Variants in AIDA observed in about 807,000 individuals in gnomAD.
AIDA encodes the protein axin interactor, dorsalization associated.
AIDA carries 18 observed loss-of-function variants against 42.7 expected under a neutral mutation model. The observed-to-expected ratio is 0.42, with a 90% CI of 0.29 to 0.63. The LOEUF is 0.63. Among genes scored for constraint, AIDA ranks in the 20% least tolerant of loss-of-function variants. The probability of loss-of-function intolerance (pLI) is 0.19; values close to 1 mark genes in which losing one functional copy is unlikely to be tolerated. For missense variants in AIDA, 250 were observed against 354.1 expected (o/e 0.71, Z 2.36); for synonymous variants, 104 against 122.9 (o/e 0.85, Z 1.02).
At chr1:222,700,931 G>A (rs1252025451) in intron 2 of AIDA, among the ~76,000 whole-genome samples, 6 of 139,690 alleles carry the variant, frequency 4.3e-5, no homozygotes, top group African/African-American at 1.6e-4. Flanking sequence ...TTTCTCATCA[G>A]TCTAATCATT....
chr1:222,689,502 T>TACACAC (rs1299244082), intron 4 of AIDA, among the ~76,000 whole-genome samples: 1 of 70,580 alleles, frequency 1.4e-5, no homozygotes, highest in Non-Finnish European at 3.1e-5. Context: ...TATATATATA[T>TACACAC]ATATATATAT....
intron 2 of AIDA, 86 bp downstream of exon 2, chr1:222,703,062 G>T: frequency 4.7e-6 from 5 of 1,073,696 alleles, no homozygotes; most frequent in Non-Finnish European, 5.3e-6. Flanking sequence ...TTTTTGTTTT[G>T]TTGTTTTTTG....
chr1:222,689,567 A>ATT (rs1320163064), intron 4 of AIDA, among the ~76,000 whole-genome samples: 2 of 67,480 alleles, frequency 3.0e-5, no homozygotes, highest in Non-Finnish European at 8.3e-5. Context: ...ATGTATATAT[A>ATT]TGTATATATA....
intron 4 of AIDA, among the ~76,000 whole-genome samples, chr1:222,690,440 A>G (rs1416200626): frequency 6.6e-6 from 1 of 152,174 alleles, no homozygotes; most frequent in Non-Finnish European, 1.5e-5. Context: ...GGTGCCCAGT[A>G]ACTACTCGTG....
At chr1:222,676,001 G>C in intron 7 of AIDA, 95 bp downstream of exon 7, 1 of 1,378,496 alleles carries the variant, frequency 7.3e-7, no homozygotes. Flanking sequence ...ACATACATAA[G>C]ACTCCCCGCC....
chr1:222,690,051 T>C lies in AIDA; in HGVS notation c.290-2393A>G, dbSNP rs114003566. On this transcript the variant is annotated intron_variant, in intron 4 of 9. Coordinates refer to ENST00000340020, the MANE Select transcript of AIDA (RefSeq NM_022831.4). ...CTACAGTATTCAGTACAGTAACAGG[T>C]TGTAGAGGTTTGTAGCCTAGGAGCA... Among the ~76,000 whole-genome samples the C allele has an allele frequency of 1.4e-3, 212 of 152,294 alleles. 2 individuals carry two copies. Among genetic ancestry groups the C allele is most frequent in the African/African-American group, 5.0e-3 (207 of 41,552 alleles).
chr1:222,670,067 G>A (rs1664417689), intron 9 of AIDA, 66 bp downstream of exon 9: 5 of 1,606,372 alleles, frequency 3.1e-6, no homozygotes, highest in African/African-American at 1.3e-5. Context: ...TGGATATGGG[G>A]GATTCAGAAG....
rs545017926 is a variant in AIDA, at chr1:222,687,493, A to G, written c.353+102T>C. ...TATACTGTTATCATTGTTGATGTCAATGATATCAATAATACCAAAGTTGAT... is the reference window on the plus strand; with the variant it reads ...TATACTGTTATCATTGTTGATGTCAGTGATATCAATAATACCAAAGTTGAT... On this transcript the variant is annotated intron_variant, in intron 5 of 9. Transcript: ENST00000340020. The G allele has an allele frequency of 2.9e-5, 29 of 987,322 alleles. No homozygotes were observed. The African/African-American group carries it at 4.6e-4, about 16-fold the overall frequency. 61.2% of individuals were successfully genotyped at this position (987,322 alleles called of 1,614,324 possible).
intron 6 of AIDA, among the ~76,000 whole-genome samples, chr1:222,681,856 C>G (rs563708287): frequency 8.7e-4 from 132 of 152,158 alleles, no homozygotes; most frequent in Non-Finnish European, 1.5e-3. Context: ...ATCAGTACCA[C>G]TCTCCCTCCT....
In AIDA at chr1:222,676,091, C is replaced by T; in HGVS notation, c.583+5G>A. ...GAGAAAAAAAAAGTAAACAGAGTCA[C>T]TTACCCTTTACACTAACTGTAATAT... is the stretch of plus-strand genomic sequence containing the variant. On this transcript the variant is annotated splice_donor_5th_base_variant and intron_variant, in intron 7 of 9. Transcript: ENST00000340020. The T allele has an allele frequency of 6.4e-7, 1 of 1,560,224 alleles. No individual in the cohort carries two copies. The highest frequency in any genetic ancestry group is 8.6e-7 in the Non-Finnish European group (1 of 1,158,406).
At chr1:222,687,795 G>T in intron 4 of AIDA, 137 bp from the exon 5 acceptor site, 6 of 622,430 alleles carry the variant, frequency 9.6e-6, no homozygotes, top group South Asian at 5.5e-5. Flanking sequence ...CCATTTGAGA[G>T]CTACACAGTA....
intron 4 of AIDA, among the ~76,000 whole-genome samples, chr1:222,691,929 T>C (rs1418346112): frequency 6.6e-6 from 1 of 152,202 alleles, no homozygotes; most frequent in Admixed American, 6.5e-5. Context: ...GGTATCAATG[T>C]TTTGAAAAGG....
Position 222,712,310 on chromosome 1 carries a change from T to C in AIDA, c.8A>G (p.Glu3Gly). The change falls in exon 1 of 10, where the codon GAG (glutamate) becomes GGG (glycine). Residue 3 changes from glutamate to glycine, a missense_variant. Physicochemically the swap from Glu to Gly is moderately conservative, Grantham distance 98. This residue lies in a region of AIDA where 14 missense variants were observed against 20.1 expected (regional missense o/e 0.70). Transcript: ENST00000340020. ...GCGCTGCAGCAGACTCCGGGTCACC[T>C]CCGACATGGCCGGTCCCCACCCCGT... is the stretch of plus-strand genomic sequence containing the variant. The part of the protein sequence containing the change: MS[E>G]VTRSLLQRWG... 1 of 1,560,438 alleles carries C rather than the reference T, an allele frequency of 6.4e-7. No homozygotes were observed.
At chr1:222,693,116 T>C (rs1443527583) in intron 4 of AIDA, among the ~76,000 whole-genome samples, 3 of 152,182 alleles carry the variant, frequency 2.0e-5, no homozygotes, top group African/African-American at 4.8e-5. Context: ...TGCTATGATT[T>C]TATGATTCCC....
At chr1:222,679,512 C>T (rs1000516370) in intron 6 of AIDA, among the ~76,000 whole-genome samples, 5 of 152,206 alleles carry the variant, frequency 3.3e-5, no homozygotes, top group Admixed American at 3.3e-4. Context: ...CAGAACATGT[C>T]AGGGTGTGCC....
intron 2 of AIDA, among the ~76,000 whole-genome samples, chr1:222,700,300 T>G (rs1486169889): frequency 6.6e-6 from 1 of 152,180 alleles, no homozygotes; most frequent in Non-Finnish European, 1.5e-5. Flanking sequence ...ATGAGAAGAT[T>G]CAGGGATACT....
chr1:222,695,981 A>C (rs915300071), intron 2 of AIDA, among the ~76,000 whole-genome samples: 1 of 152,216 alleles, frequency 6.6e-6, no homozygotes, highest in Admixed American at 6.5e-5. Context: ...CATCTACAAT[A>C]AACGGCGATA....
chr1:222,705,688 G>A (rs1655819840), intron 1 of AIDA, among the ~76,000 whole-genome samples: 1 of 152,136 alleles, frequency 6.6e-6, no homozygotes, highest in African/African-American at 2.4e-5. Context: ...TTCGAGACCA[G>A]CCTAGCCAAC....
chr1:222,688,603 A>ATT (rs137904990), intron 4 of AIDA, among the ~76,000 whole-genome samples: 5 of 145,256 alleles, frequency 3.4e-5, no homozygotes, highest in African/African-American at 1.3e-4. Flanking sequence ...AAAAAAGTTA[A>ATT]TTTTTTTTTT....
Sources: gnomAD v4.1 joint callset for allele counts (sites outside exome capture counted in the v4.1 genomes callset) on GRCh38, gnomAD v4.1.1 for gene constraint, gnomAD v4.1.1 regional missense constraint, MANE v1.5 for transcripts, NCBI Gene and HGNC (gene_info 2026-07-23, HGNC 2026-07-21) for gene names.